Variants in ZFAND6 observed in about 807,000 individuals in gnomAD.
The protein encoded by ZFAND6 is zinc finger AN1-type containing 6.
A neutral mutation model predicts 24.5 loss-of-function variants in ZFAND6; 12 were observed. The ratio of observed to expected loss-of-function variants is 0.49; its 90% CI spans 0.31 to 0.79. ZFAND6 has a LOEUF of 0.79. ZFAND6 is among the 30% of genes least tolerant of loss of function. The pLI, the probability that ZFAND6 is intolerant of heterozygous loss-of-function variation, is 0.04. For synonymous variants in ZFAND6, 92 were observed against 81.5 expected (o/e 1.13, Z -0.69); for missense variants, 207 against 245.9 (o/e 0.84, Z 1.06).
At chr15:80,072,185 A>G (rs1385036753) in intron 1 of ZFAND6, among the ~76,000 whole-genome samples, 1 of 152,134 alleles carries the variant, frequency 6.6e-6, no homozygotes. Flanking sequence ...TGTGAACTCT[A>G]TTAAAAATAA....
chr15:80,093,873 G>A (rs901800553), intron 1 of ZFAND6, among the ~76,000 whole-genome samples: 1 of 151,994 alleles, frequency 6.6e-6, no homozygotes, highest in Admixed American at 6.6e-5. Flanking sequence ...TTTCGGGAAG[G>A]GTGCAGTAGA....
In ZFAND6 at chr15:80,127,443, C is replaced by T. The variant is rs1181433017; in HGVS notation, c.365-3737C>T. Among the ~76,000 whole-genome samples the T allele has an allele frequency of 3.3e-5, 5 of 151,916 alleles. No individual in the cohort carries two copies. The East Asian group carries it at 9.7e-4, about 29-fold the overall frequency. On this transcript the variant is annotated intron_variant, in intron 5 of 6. Transcript: ENST00000261749. ...TCTCTACTAAAAATATGAAACTTAG[C>T]TGGCTGTGATGTCATGCGCCTGTAG...
At chr15:80,090,978 G>T (rs1250289011) in intron 1 of ZFAND6, among the ~76,000 whole-genome samples, 1 of 152,168 alleles carries the variant, frequency 6.6e-6, no homozygotes, top group Non-Finnish European at 1.5e-5. Context: ...CCCACTAGAG[G>T]TTTATGTTTT....
chr15:80,059,263 C>T (rs1305489420), upstream of ZFAND6, among the ~76,000 whole-genome samples: 1 of 152,156 alleles, frequency 6.6e-6, no homozygotes, highest in Non-Finnish European at 1.5e-5. Flanking sequence ...TGCCTCAGTC[C>T]AAGACAGGGA....
intron 1 of ZFAND6, among the ~76,000 whole-genome samples, chr15:80,091,836 T>A (rs1034670253): frequency 2.0e-5 from 3 of 152,056 alleles, no homozygotes; most frequent in African/African-American, 7.2e-5. Flanking sequence ...GGCAGAATCT[T>A]GCCGTATTGC....
intron 1 of ZFAND6, among the ~76,000 whole-genome samples, chr15:80,065,679 G>C (rs2036593646): frequency 6.6e-6 from 1 of 150,784 alleles, no homozygotes; most frequent in Non-Finnish European, 1.5e-5. Context: ...TGAGTAGTTG[G>C]GATTACAGGG....
At chr15:80,114,924 A>G (rs1567085973) in intron 2 of ZFAND6, 1 of 152,216 alleles carries the variant, frequency 6.6e-6, no homozygotes, top group Non-Finnish European at 1.5e-5. Context: ...AATGAAACTA[A>G]TAAGAATTAA....
chr15:80,089,456 A>G (rs370527711), intron 1 of ZFAND6, among the ~76,000 whole-genome samples: 27 of 151,668 alleles, frequency 1.8e-4, no homozygotes, highest in East Asian at 5.8e-4. Context: ...GGGTTTTGCC[A>G]TGTTTGCCAG....
chr15:80,074,251 C>T (rs2037139734), intron 1 of ZFAND6, among the ~76,000 whole-genome samples: 1 of 151,836 alleles, frequency 6.6e-6, no homozygotes, highest in African/African-American at 2.4e-5. Flanking sequence ...ATTGGAAACA[C>T]TTTTACCCAC....
At chr15:80,114,407 T>G (rs1040164343) in intron 2 of ZFAND6, among the ~76,000 whole-genome samples, 6 of 152,200 alleles carry the variant, frequency 3.9e-5, no homozygotes, top group African/African-American at 1.2e-4. Context: ...CTAGGTTGAG[T>G]ACTCCTCTCT....
At chr15:80,111,720 T>G (rs555128728) in intron 2 of ZFAND6, among the ~76,000 whole-genome samples, 1 of 152,256 alleles carries the variant, frequency 6.6e-6, no homozygotes, top group Non-Finnish European at 1.5e-5. Flanking sequence ...GTTCAAAGTT[T>G]AATGTGCATT....
At chr15:80,133,987 G>GT (rs1567103700) in intron 6 of ZFAND6, among the ~76,000 whole-genome samples, 5 of 150,456 alleles carry the variant, frequency 3.3e-5, no homozygotes, top group African/African-American at 1.2e-4. Context: ...AAAGTTGTTG[G>GT]GTTTTTTTTT....
At chr15:80,082,232 G>T (rs1335661696) in intron 1 of ZFAND6, among the ~76,000 whole-genome samples, 1 of 152,210 alleles carries the variant, frequency 6.6e-6, no homozygotes, top group Admixed American at 6.5e-5. Flanking sequence ...ACAGGGTTTG[G>T]AATATTAATT....
intron 1 of ZFAND6, among the ~76,000 whole-genome samples, chr15:80,092,955 CA>C (rs1293143877): frequency 1.9e-5 from 2 of 107,996 alleles, no homozygotes; most frequent in African/African-American, 6.2e-5. Context: ...TTGGCTACTA[CA>C]ATTTTTTTTT....
chr15:80,111,322 C>T, intron 2 of ZFAND6: 1 of 338,768 alleles, frequency 3.0e-6, no homozygotes. Flanking sequence ...GTTCCAGGAC[C>T]CCCCTCATCC....
At chr15:80,064,766 G>A (rs1345563910) in intron 1 of ZFAND6, among the ~76,000 whole-genome samples, 7 of 152,020 alleles carry the variant, frequency 4.6e-5, no homozygotes, top group Admixed American at 4.6e-4. Flanking sequence ...TCAGCCTCCT[G>A]TGTAACTGGG....
chr15:80,074,519 A>T (rs2037155152), intron 1 of ZFAND6, among the ~76,000 whole-genome samples: 1 of 151,882 alleles, frequency 6.6e-6, no homozygotes, highest in Non-Finnish European at 1.5e-5. Context: ...TGTCTCAAAA[A>T]CATGTATGAA....
Position 80,076,622 on chromosome 15 carries a change from TAG to T in ZFAND6, c.-181+16814_-181+16815del, listed in dbSNP as rs773410659. Among the ~76,000 whole-genome samples the T allele has an allele frequency of 8.5e-4, 129 of 152,204 alleles. 1 individual carries two copies. Among genetic ancestry groups the T allele is most frequent in the Non-Finnish European group, 1.5e-3 (101 of 68,028 alleles). On this transcript the variant is annotated intron_variant, in intron 1 of 6. Transcript: ENST00000261749. The stretch of plus-strand genomic sequence containing the variant: ...AGATGGTCCCCACGCTAAGTACTGT[TAG>T]TCTTTTCGAACCAGTAAGTCAATTT...
At chr15:80,111,288 A>G (rs1031250781) in intron 2 of ZFAND6, 7 of 322,562 alleles carry the variant, frequency 2.2e-5, no homozygotes, top group Non-Finnish European at 4.4e-5. Context: ...TATATCAGTC[A>G]TCCCTCAGTA....
Sources: allele counts gnomAD v4.1 joint callset (sites outside exome capture counted in the v4.1 genomes callset), GRCh38; gene constraint gnomAD v4.1.1; transcripts MANE v1.5; gene names NCBI Gene and HGNC (gene_info 2026-07-23, HGNC 2026-07-21).